CNTNAP4: variants seen among roughly 807,000 people sequenced by gnomAD.
The protein encoded by CNTNAP4 is contactin-associated protein-like 4.
CNTNAP4 carries 98 observed loss-of-function variants against 148.4 expected under a neutral mutation model. The observed-to-expected ratio is 0.66, with a 90% CI of 0.56 to 0.78. CNTNAP4 has a LOEUF of 0.78. Among genes scored for constraint, CNTNAP4 ranks in the 30% least tolerant of loss-of-function variants. The pLI is 0.00. For missense variants in CNTNAP4, 1,935 were observed against 1,565.6 expected, an observed-to-expected ratio of 1.24 and a Z score of -3.98; for synonymous variants, 730 against 565.1, an observed-to-expected ratio of 1.29 and a Z score of -4.14.
At chr16:76,528,196 A>T (rs906948862) in intron 17 of CNTNAP4, among the ~76,000 whole-genome samples, 2 of 152,220 alleles carry the variant, frequency 1.3e-5, no homozygotes, top group African/African-American at 4.8e-5. Context: ...TTTAAATTAT[A>T]TTCTCCATCT....
intron 1 of CNTNAP4, among the ~76,000 whole-genome samples, chr16:76,289,989 AT>A (rs1959048752): frequency 6.6e-6 from 1 of 152,128 alleles, no homozygotes; most frequent in Admixed American, 6.5e-5. Flanking sequence ...TGTGATTTTT[AT>A]TGCCAGAAGT....
chr16:76,372,138 A>ATTTTTT (rs35343278), intron 3 of CNTNAP4, among the ~76,000 whole-genome samples: 3 of 125,792 alleles, frequency 2.4e-5, no homozygotes, highest in African/African-American at 6.0e-5. Flanking sequence ...TCCAGCCCAA[A>ATTTTTT]TTTTTTTTTT....
At chr16:76,557,640 A>G (rs2085250855) in intron 23 of CNTNAP4, 1 of 152,130 alleles carries the variant, frequency 6.6e-6, no homozygotes, top group South Asian at 2.1e-4. Flanking sequence ...TCATGAATTC[A>G]ATGATTATTA....
At chr16:76,334,202 T>TAAA (rs1555525983) in intron 2 of CNTNAP4, among the ~76,000 whole-genome samples, 2 of 146,840 alleles carry the variant, frequency 1.4e-5, no homozygotes, top group East Asian at 1.9e-4. Flanking sequence ...ATAATAATAA[T>TAAA]AAACAGCCTA....
rs190755245 is a variant in CNTNAP4, at chr16:76,330,613, A to G, written c.196+14090A>G. 7.2e-5 allele frequency among the ~76,000 whole-genome samples: 11 copies of G among 152,352 alleles called. No homozygotes were observed. The East Asian group carries it at 1.9e-3, about 27-fold the overall frequency. ...AACATTTTACAAATTAAACTGGAAG[A>G]TAATTTATGAATTGGCTACCATTCA... is the stretch of plus-strand genomic sequence containing the variant. On this transcript the variant is annotated intron_variant, in intron 2 of 23. Transcript: ENST00000611870.
chr16:76,368,750 A>G (rs2014446417), intron 3 of CNTNAP4, among the ~76,000 whole-genome samples: 1 of 152,152 alleles, frequency 6.6e-6, no homozygotes, highest in African/African-American at 2.4e-5. Flanking sequence ...GCAGCAAACC[A>G]CCATGGCACA....
At chr16:76,350,273 A>G (rs1230864607) in intron 2 of CNTNAP4, among the ~76,000 whole-genome samples, 1 of 152,090 alleles carries the variant, frequency 6.6e-6, no homozygotes, top group Non-Finnish European at 1.5e-5. Context: ...AAAATAAGTA[A>G]TTTCTCACCT....
intron 3 of CNTNAP4, among the ~76,000 whole-genome samples, chr16:76,365,584 C>G (rs1042958934): frequency 2.0e-5 from 3 of 151,840 alleles, no homozygotes; most frequent in Admixed American, 6.6e-5. Flanking sequence ...AATCCTGTCT[C>G]TACTAAAAAT....
At chr16:76,344,840 C>T (rs1964772818) in intron 2 of CNTNAP4, among the ~76,000 whole-genome samples, 1 of 152,148 alleles carries the variant, frequency 6.6e-6, no homozygotes, top group Non-Finnish European at 1.5e-5. Context: ...GATTTCCTAA[C>T]CTTCTACTCT....
chr16:76,545,054 TG>T (rs1485262157), intron 21 of CNTNAP4, among the ~76,000 whole-genome samples: 4 of 152,226 alleles, frequency 2.6e-5, no homozygotes, highest in African/African-American at 9.6e-5. Context: ...AAATATATCA[TG>T]AAATAATTTT....
intron 2 of CNTNAP4, among the ~76,000 whole-genome samples, chr16:76,354,582 C>T (rs1399946672): frequency 7.2e-5 from 11 of 152,098 alleles, no homozygotes; most frequent in East Asian, 5.8e-4. Flanking sequence ...TTGCAGTTTC[C>T]GTGGTTTAAA....
intron 2 of CNTNAP4, among the ~76,000 whole-genome samples, chr16:76,340,393 G>T (rs1425541292): frequency 1.3e-5 from 2 of 152,014 alleles, no homozygotes; most frequent in Admixed American, 6.6e-5. Context: ...CTTTTGTAGT[G>T]GCTCAGGTTT....
Position 76,448,152 on chromosome 16 carries a change from C to G in CNTNAP4, c.679C>G (p.Pro227Ala). Residue 227 changes from proline to alanine, a missense_variant, in exon 5 of 24, where the codon CCA (proline) becomes GCA (alanine). By Grantham distance (27) the Pro-to-Ala change is conservative. Transcript: ENST00000611870. ...SDGILLHREG[P>A]NGDHITLQLR... ...TGGGATTCTACTCCACAGGGAAGGG[C>G]CAAATGGAGATCACATCACACTGCA... is the stretch of plus-strand genomic sequence containing the variant. 9 of 1,613,424 alleles carry G rather than the reference C, an allele frequency of 5.6e-6. No individual in the cohort carries two copies. The highest frequency in any genetic ancestry group is 7.6e-6 in the Non-Finnish European group (9 of 1,179,520).
At chr16:76,309,408 G>C (rs1273449532) in intron 1 of CNTNAP4, among the ~76,000 whole-genome samples, 1 of 152,170 alleles carries the variant, frequency 6.6e-6, no homozygotes, top group Non-Finnish European at 1.5e-5. Flanking sequence ...TTACACTGGA[G>C]TAAAGGGGCA....
chr16:76,331,518 T>G (rs1176290747), intron 2 of CNTNAP4, among the ~76,000 whole-genome samples: 1 of 151,544 alleles, frequency 6.6e-6, no homozygotes, highest in Admixed American at 6.6e-5. Context: ...TTTTTTTTTC[T>G]TAGTGATTAC....
At chr16:76,347,417 G>C (rs1431435898) in intron 2 of CNTNAP4, among the ~76,000 whole-genome samples, 1 of 152,054 alleles carries the variant, frequency 6.6e-6, no homozygotes, top group Admixed American at 6.6e-5. Flanking sequence ...AATAAAACAG[G>C]TGAAGACCCC....
intron 15 of CNTNAP4, among the ~76,000 whole-genome samples, chr16:76,515,575 G>A (rs1304612197): frequency 6.6e-6 from 1 of 152,204 alleles, no homozygotes; most frequent in South Asian, 2.1e-4. Context: ...CCAGCACTGT[G>A]AGAAATAAAT....
intron 2 of CNTNAP4, among the ~76,000 whole-genome samples, chr16:76,338,696 A>G (rs1964219029): frequency 6.6e-6 from 1 of 152,196 alleles, no homozygotes; most frequent in South Asian, 2.1e-4. Flanking sequence ...ATCATCTGAG[A>G]TGAAGAACAG....
chr16:76,313,128 T>G (rs1961321667), intron 1 of CNTNAP4, among the ~76,000 whole-genome samples: 2 of 152,144 alleles, frequency 1.3e-5, no homozygotes, highest in Admixed American at 6.6e-5. Context: ...GTTCCCCTTC[T>G]TTTGTTTTAA....
Sources: allele counts gnomAD v4.1 joint callset (sites outside exome capture counted in the v4.1 genomes callset), GRCh38; gene constraint gnomAD v4.1.1; transcripts MANE v1.5; gene names NCBI Gene and HGNC (gene_info 2026-07-23, HGNC 2026-07-21).